RBFOX1: variants seen among roughly 807,000 people sequenced by gnomAD.
RBFOX1 encodes the protein RNA binding protein fox-1 homolog 1.
RBFOX1 carries 8 observed loss-of-function variants against 57.7 expected under a neutral mutation model. The ratio of observed to expected loss-of-function variants is 0.14; its 90% CI spans 0.08 to 0.25. RBFOX1 has a LOEUF of 0.25. Ranked by LOEUF, RBFOX1 falls within the 10% of genes least tolerant of loss-of-function variation. RBFOX1 has a pLI of 1.00. For synonymous variants in RBFOX1, 326 were observed against 222.4 expected (o/e 1.47, Z -4.15); for missense variants, 611 against 548.5 (o/e 1.11, Z -1.14).
chr16:7,037,134 C>CG (rs2044722961), intron 3 of RBFOX1, among the ~76,000 whole-genome samples: 1 of 151,490 alleles, frequency 6.6e-6, no homozygotes, highest in Admixed American at 6.6e-5. Flanking sequence ...AAGGTCCTTA[C>CG]GACCTGTATC....
At chr16:5,254,680 G>C (rs974444846) in intron 1 of RBFOX1, among the ~76,000 whole-genome samples, 4 of 152,130 alleles carry the variant, frequency 2.6e-5, no homozygotes, top group African/African-American at 9.7e-5. Context: ...CACCCAGCTT[G>C]TTCTGGATTT....
In RBFOX1 at chr16:7,454,303, A is replaced by C. The variant is rs113457025; in HGVS notation, c.28-63844A>C. 3.2e-3 allele frequency among the ~76,000 whole-genome samples: 489 copies of C among 152,332 alleles called. 5 individuals carry two copies. The highest frequency in any genetic ancestry group is 0.011 in the African/African-American group (457 of 41,592). ...AGTCAAGGAAGCAAGGAAGATGCCC[A>C]GGATCGGTAGACAGAATGCTGGTGA... is the stretch of plus-strand genomic sequence containing the variant. On this transcript the variant is annotated intron_variant, in intron 4 of 15. Transcript: ENST00000550418.
At chr16:5,407,737 T>G (rs903875214) in intron 1 of RBFOX1, among the ~76,000 whole-genome samples, 2 of 152,118 alleles carry the variant, frequency 1.3e-5, no homozygotes, top group Non-Finnish European at 2.9e-5. Flanking sequence ...TCAGTAGAGA[T>G]GGGGTTTCAC....
At chr16:5,269,013 C>G (rs758791024) in intron 1 of RBFOX1, among the ~76,000 whole-genome samples, 1 of 151,956 alleles carries the variant, frequency 6.6e-6, no homozygotes, top group Non-Finnish European at 1.5e-5. Context: ...CTTCCAGATT[C>G]AAGTTACTCT....
chr16:6,475,150 AAAT>A (rs1206487601), intron 2 of RBFOX1, among the ~76,000 whole-genome samples: 1 of 152,182 alleles, frequency 6.6e-6, no homozygotes, highest in Non-Finnish European at 1.5e-5. Flanking sequence ...TTGGGTGGTG[AAAT>A]AATGTTAGCT....
At chr16:5,318,271 G>A (rs1238826751) in intron 1 of RBFOX1, among the ~76,000 whole-genome samples, 1 of 152,144 alleles carries the variant, frequency 6.6e-6, no homozygotes, top group East Asian at 1.9e-4. Context: ...TGGGATTACA[G>A]GCATTCACCA....
At chr16:7,420,137 T>C (rs2098526306) in intron 4 of RBFOX1, among the ~76,000 whole-genome samples, 1 of 152,106 alleles carries the variant, frequency 6.6e-6, no homozygotes, top group Admixed American at 6.6e-5. Context: ...GTGGGTAACG[T>C]TTGCTTTGGA....
intron 4 of RBFOX1, among the ~76,000 whole-genome samples, chr16:7,303,361 G>T (rs1475545654): frequency 1.3e-5 from 2 of 152,212 alleles, no homozygotes; most frequent in East Asian, 3.9e-4. Flanking sequence ...ACCTCCTGAG[G>T]AGGGGAAATC....
chr16:7,480,988 C>T (rs980104111), intron 4 of RBFOX1, among the ~76,000 whole-genome samples: 2 of 152,178 alleles, frequency 1.3e-5, no homozygotes, highest in African/African-American at 2.4e-5. Context: ...GGGCTGCTAC[C>T]TGCCATGCAT....
chr16:7,618,435 G>C (rs2058803978), intron 10 of RBFOX1, among the ~76,000 whole-genome samples: 1 of 152,146 alleles, frequency 6.6e-6, no homozygotes, highest in Admixed American at 6.5e-5. Context: ...TACTAATCTA[G>C]TGCCTAGGAC....
chr16:7,525,612 C>T (rs532078596), intron 5 of RBFOX1, among the ~76,000 whole-genome samples: 16 of 152,252 alleles, frequency 1.1e-4, no homozygotes, highest in African/African-American at 2.9e-4. Context: ...CATGTCCCTG[C>T]GGACTCTGTG....
chr16:5,542,690 A>G (rs115860709), intron 2 of RBFOX1, among the ~76,000 whole-genome samples: 288 of 152,298 alleles, frequency 1.9e-3, no homozygotes, highest in African/African-American at 6.7e-3. Flanking sequence ...AGTTTTAGCA[A>G]GGAGAATGAA....
chr16:6,659,057 G>A (rs914562985), intron 3 of RBFOX1, among the ~76,000 whole-genome samples: 1 of 151,730 alleles, frequency 6.6e-6, no homozygotes, highest in African/African-American at 2.4e-5. Flanking sequence ...AAAACCCGAT[G>A]CGTTTGACAT....
At chr16:6,472,615 C>T (rs766038740) in intron 2 of RBFOX1, among the ~76,000 whole-genome samples, 3 of 151,046 alleles carry the variant, frequency 2.0e-5, no homozygotes, top group Non-Finnish European at 2.9e-5. Flanking sequence ...CAGCTTCTTT[C>T]TTTTTTCTTT....
chr16:6,221,479 T>G (rs1227560292), intron 1 of RBFOX1, among the ~76,000 whole-genome samples: 1 of 152,240 alleles, frequency 6.6e-6, no homozygotes, highest in Non-Finnish European at 1.5e-5. Context: ...AAAAGCCACA[T>G]ATTTCCAAAG....
chr16:7,101,660 A>G (rs2062714320), intron 4 of RBFOX1, among the ~76,000 whole-genome samples: 1 of 152,162 alleles, frequency 6.6e-6, no homozygotes, highest in South Asian at 2.1e-4. Flanking sequence ...TTTGAAGGCA[A>G]GATTTTAAGG....
chr16:6,931,649 G>T (rs2076580802), intron 3 of RBFOX1, among the ~76,000 whole-genome samples: 1 of 152,088 alleles, frequency 6.6e-6, no homozygotes, highest in Non-Finnish European at 1.5e-5. Flanking sequence ...ATCCCTATTT[G>T]AGAGATGAGA....
At chr16:5,731,660 G>T (rs1363353178) in intron 3 of RBFOX1, among the ~76,000 whole-genome samples, 1 of 152,200 alleles carries the variant, frequency 6.6e-6, no homozygotes, top group Non-Finnish European at 1.5e-5. Context: ...GTGAAAAAGG[G>T]AGAGCTATTA....
At chr16:5,621,079 A>G (rs983034603) in intron 3 of RBFOX1, among the ~76,000 whole-genome samples, 2 of 152,176 alleles carry the variant, frequency 1.3e-5, no homozygotes, top group Non-Finnish European at 1.5e-5. Context: ...TGACCTCGTG[A>G]TCCGCCTGCC....
Sources: allele counts gnomAD v4.1 joint callset (sites outside exome capture counted in the v4.1 genomes callset), GRCh38; gene constraint gnomAD v4.1.1; transcripts MANE v1.5; gene names NCBI Gene and HGNC (gene_info 2026-07-23, HGNC 2026-07-21).